Variants in RBFOX2 observed in about 807,000 individuals in gnomAD.
RBFOX2 encodes the protein RNA binding protein fox-1 homolog 2.
RBFOX2 carries 10 observed loss-of-function variants against 49.1 expected under a neutral mutation model. That is an observed-to-expected ratio of 0.20 (90% CI 0.13 to 0.35). The LOEUF (loss-of-function observed/expected upper bound fraction) is 0.35, where lower values mean the gene tolerates loss of function less well. Ranked by LOEUF, RBFOX2 falls within the 10% of genes least tolerant of loss-of-function variation. RBFOX2 has a pLI of 1.00. For missense variants in RBFOX2, 323 were observed against 486.9 expected (o/e 0.66, Z 3.17); for synonymous variants, 183 against 187.4 (o/e 0.98, Z 0.19).
At chr22:35,817,234 T>C (rs1486086797) in intron 1 of RBFOX2, among the ~76,000 whole-genome samples, 3 of 152,058 alleles carry the variant, frequency 2.0e-5, no homozygotes, top group Non-Finnish European at 2.9e-5. Flanking sequence ...TTCCAGCACC[T>C]TGGGAGGCTG....
intron 1 of RBFOX2, chr22:35,994,633 T>C (rs1483358931): frequency 1.9e-4 from 29 of 152,062 alleles, no homozygotes; most frequent in Admixed American, 1.9e-3. Flanking sequence ...CTCAAACTCT[T>C]GGGTTCAAGT....
Position 35,920,759 on chromosome 22 carries a change from G to A in RBFOX2, c.-34+18088C>T, listed in dbSNP as rs142086734. Among the ~76,000 whole-genome samples the A allele has an allele frequency of 3.1e-3, 474 of 152,298 alleles. 4 individuals are homozygous for A. Among genetic ancestry groups the A allele is most frequent in the African/African-American group, 0.011 (462 of 41,560 alleles). On this transcript the variant is annotated intron_variant, in intron 1 of 13. Transcript: ENST00000359369. Reference sequence around the variant, plus strand: ...GCCATGAAATGATGCAGCAGACATAGCTAATGGCATGAAACGATGTTTATA... The same window carrying A: ...GCCATGAAATGATGCAGCAGACATAACTAATGGCATGAAACGATGTTTATA...
chr22:35,789,482 G>A (rs2147421746), intron 2 of RBFOX2, among the ~76,000 whole-genome samples: 1 of 152,224 alleles, frequency 6.6e-6, no homozygotes, highest in African/African-American at 2.4e-5. Context: ...GGCAGAGGTT[G>A]CAATGAGCTG....
At chr22:35,804,993 AAAGT>A (rs201491911) in intron 2 of RBFOX2, among the ~76,000 whole-genome samples, 2,973 of 152,252 alleles carry the variant, frequency 0.02, 46 homozygotes, top group Non-Finnish European at 0.03. Context: ...ACCTGATTAA[AAAGT>A]AAGACAAAGG....
At chr22:35,915,143 T>C (rs1185035004) in intron 1 of RBFOX2, among the ~76,000 whole-genome samples, 1 of 152,158 alleles carries the variant, frequency 6.6e-6, no homozygotes, top group East Asian at 1.9e-4. Flanking sequence ...TCACATTCTC[T>C]CCTCTGAGCC....
intron 1 of RBFOX2, among the ~76,000 whole-genome samples, chr22:35,830,560 C>T (rs1956598817): frequency 6.6e-6 from 1 of 152,324 alleles, no homozygotes; most frequent in African/African-American, 2.4e-5. Flanking sequence ...TTGCCTACTA[C>T]ACACCTAGAC....
intron 1 of RBFOX2, among the ~76,000 whole-genome samples, chr22:35,988,111 G>A (rs919903992): frequency 6.6e-6 from 1 of 152,128 alleles, no homozygotes; most frequent in Admixed American, 6.6e-5. Context: ...GAAAGCCAGA[G>A]GTAAAACCCT....
chr22:35,920,488 C>T (rs926460905), intron 1 of RBFOX2, among the ~76,000 whole-genome samples: 3 of 152,146 alleles, frequency 2.0e-5, no homozygotes, highest in African/African-American at 7.2e-5. Context: ...TTTCTTATTT[C>T]TGGGCTCACT....
intron 1 of RBFOX2, among the ~76,000 whole-genome samples, chr22:36,020,895 G>A (rs183457054): frequency 6.6e-6 from 1 of 152,000 alleles, no homozygotes; most frequent in Non-Finnish European, 1.5e-5. Flanking sequence ...CCCATTACTG[G>A]GTATATATCC....
At chr22:35,809,798 T>A in exon 2 of RBFOX2, 1 of 1,613,992 alleles carries the variant, frequency 6.2e-7, no homozygotes, top group Non-Finnish European at 8.5e-7. Flanking sequence ...ATCCATTTTG[T>A]GTGCTGGGTG....
chr22:35,985,889 T>C (rs557927662), intron 1 of RBFOX2, among the ~76,000 whole-genome samples: 24 of 139,954 alleles, frequency 1.7e-4, no homozygotes, highest in Non-Finnish European at 3.2e-4. Context: ...TCTAGATAGA[T>C]AGATAGATAG....
At chr22:35,985,312 T>C (rs778030210) in intron 1 of RBFOX2, among the ~76,000 whole-genome samples, 6 of 152,012 alleles carry the variant, frequency 3.9e-5, no homozygotes, top group South Asian at 2.1e-4. Flanking sequence ...ACCTACTAGG[T>C]TTTCAGCAAA....
chr22:35,972,160 A>T (rs1372826652), intron 1 of RBFOX2, among the ~76,000 whole-genome samples: 1 of 152,138 alleles, frequency 6.6e-6, no homozygotes, highest in Non-Finnish European at 1.5e-5. Context: ...GTCTTCATGC[A>T]ACTAAAATCC....
upstream of RBFOX2, among the ~76,000 whole-genome samples, chr22:35,941,151 T>C (rs2053648687): frequency 6.6e-6 from 1 of 152,206 alleles, no homozygotes; most frequent in South Asian, 2.1e-4. Flanking sequence ...CTATTTTTCA[T>C]ACTGATTTTT....
At chr22:35,930,333 A>C (rs902515471) in intron 1 of RBFOX2, among the ~76,000 whole-genome samples, 6 of 152,028 alleles carry the variant, frequency 3.9e-5, no homozygotes, top group Non-Finnish European at 8.8e-5. Flanking sequence ...GAGCTTTTTA[A>C]AAAGCAACAG....
intron 1 of RBFOX2, among the ~76,000 whole-genome samples, chr22:35,922,252 G>A (rs548781257): frequency 6.6e-6 from 1 of 152,312 alleles, no homozygotes; most frequent in African/African-American, 2.4e-5. Context: ...TTTGTAAATA[G>A]TGTCAAATAC....
rs552698486 is a variant in RBFOX2 at position 35,997,210 on chromosome 22, T to C, written c.186+31030A>G. On this transcript the variant is annotated intron_variant, in intron 1 of 13. Coordinates refer to the RBFOX2 transcript ENST00000438146. ...CTCAAATGGTTTTGATCAACACATA[T>C]TCCTCAGTGGTCAGTCTTGGATTCT... 2.6e-5 allele frequency: 4 copies of C among 152,344 alleles called. No homozygotes were observed. In the South Asian group the frequency reaches 6.2e-4, roughly 24 times the overall value. 9.4% of individuals were successfully genotyped at this position (152,344 alleles called of 1,614,324 possible).
intron 1 of RBFOX2, among the ~76,000 whole-genome samples, chr22:35,985,693 A>G (rs1329212325): frequency 6.6e-6 from 1 of 152,192 alleles, no homozygotes; most frequent in Non-Finnish European, 1.5e-5. Context: ...CTAACAGTCT[A>G]TGGCTCTAAA....
At chr22:35,779,082 CA>C (rs1944562270) in intron 3 of RBFOX2, among the ~76,000 whole-genome samples, 1 of 152,072 alleles carries the variant, frequency 6.6e-6, no homozygotes, top group African/African-American at 2.4e-5. Flanking sequence ...TTTTAACATT[CA>C]GAAAAGCAAA....
Sources: allele counts gnomAD v4.1 joint callset (sites outside exome capture counted in the v4.1 genomes callset), GRCh38; gene constraint gnomAD v4.1.1; transcripts MANE v1.5; gene names NCBI Gene and HGNC (gene_info 2026-07-23, HGNC 2026-07-21).